Variants in CCDC152 observed in about 807,000 individuals in gnomAD.
CCDC152 encodes coiled-coil domain containing 152, also known as coiled-coil domain-containing protein 152.
Under a neutral mutation model 38.1 loss-of-function variants are expected in CCDC152, and 37 were observed. That is an observed-to-expected ratio of 0.97 (90% CI 0.75 to 1.28). CCDC152 has a LOEUF of 1.28. Among genes scored for constraint, CCDC152 ranks in the 50% most tolerant of loss-of-function variants. The probability of loss-of-function intolerance (pLI) is 0.00; values close to 1 mark genes in which losing one functional copy is unlikely to be tolerated. For missense variants in CCDC152, 259 were observed against 292.1 expected, an observed-to-expected ratio of 0.89 and a Z score of 0.83; for synonymous variants, 83 against 87.1, an observed-to-expected ratio of 0.95 and a Z score of 0.26.
chr5:42,787,929 G>C (rs1759944783), intron 6 of CCDC152, among the ~76,000 whole-genome samples: 1 of 152,092 alleles, frequency 6.6e-6, no homozygotes, highest in African/African-American at 2.4e-5. Context: ...ATTTTAAGTG[G>C]AACATTTAGG....
chr5:42,796,982 T>C (rs891433918), intron 7 of CCDC152, 26 bp downstream of exon 7: 1 of 1,447,452 alleles, frequency 6.9e-7, no homozygotes, highest in Non-Finnish European at 9.3e-7. Context: ...TCTGCTAAAC[T>C]TGAGGACACA....
At chr5:42,764,272 T>C (rs936351473) in intron 3 of CCDC152, among the ~76,000 whole-genome samples, 5 of 152,072 alleles carry the variant, frequency 3.3e-5, no homozygotes, top group African/African-American at 1.2e-4. Context: ...TAGCCGGGCA[T>C]GGTGGCAGGC....
At chr5:42,796,708 A>T in intron 6 of CCDC152, 121 bp from the exon 7 acceptor site, 2 of 682,040 alleles carry the variant, frequency 2.9e-6, no homozygotes, top group East Asian at 7.1e-5. Context: ...ACCATTTCTA[A>T]AATATGTTTC....
rs1034261402 is a variant in CCDC152, at chr5:42,790,048, G to A, written c.430+6472G>A. Among the ~76,000 whole-genome samples, 3 of 152,066 alleles carry A rather than the reference G, an allele frequency of 2.0e-5. No individual in the cohort carries two copies. The East Asian group carries it at 5.8e-4, about 29-fold the overall frequency. On this transcript the variant is annotated intron_variant, in intron 6 of 8. Transcript: ENST00000361970. Reference sequence around the variant, plus strand: ...AAATGAAAAGGCAATCCATAGACTTGGAAATGGATATTTGATAAAGGGTTT... The same window carrying A: ...AAATGAAAAGGCAATCCATAGACTTAGAAATGGATATTTGATAAAGGGTTT...
intron 3 of CCDC152, among the ~76,000 whole-genome samples, chr5:42,762,765 G>T (rs1216399518): frequency 6.6e-6 from 1 of 152,142 alleles, no homozygotes; most frequent in East Asian, 1.9e-4. Flanking sequence ...AATGAGACAA[G>T]TTAAATAATC....
rs79956654 is a variant in CCDC152 at position 42,762,029 on chromosome 5, G to T, written c.88-414G>T. Among the ~76,000 whole-genome samples, 921 of 152,214 alleles carry T rather than the reference G, an allele frequency of 6.1e-3. 5 individuals are homozygous for T. The highest frequency in any genetic ancestry group is 0.011 in the Admixed American group (167 of 15,296). ...TGTGAATGTTATAGAGTATATTTAC[G>T]CAAACCTAAATGGTGTAGCCTATTA... is the stretch of plus-strand genomic sequence containing the variant. On this transcript the variant is annotated intron_variant, in intron 2 of 8. Coordinates refer to ENST00000361970, the MANE Select transcript of CCDC152 (RefSeq NM_001134848.2).
rs974595765 is a variant in CCDC152, at chr5:42,800,005, T to G, written c.*224T>G. On this transcript the variant is annotated 3_prime_UTR_variant, in exon 9 of 9. Coordinates refer to ENST00000361970, the MANE Select transcript of CCDC152 (RefSeq NM_001134848.2). ...GGTTTATAGGGTTTGGTTTACCTAT[T>G]AAACCATCATTGACTATGGAAATAC... 1.0e-5 allele frequency: 5 copies of G among 480,790 alleles called. No homozygotes were observed. The highest frequency in any genetic ancestry group is 1.8e-5 in the Non-Finnish European group (5 of 276,002). 29.8% of individuals were successfully genotyped at this position (480,790 alleles called of 1,614,324 possible).
At chr5:42,794,117 T>C (rs1249897151) in intron 6 of CCDC152, among the ~76,000 whole-genome samples, 2 of 152,128 alleles carry the variant, frequency 1.3e-5, no homozygotes, top group Non-Finnish European at 2.9e-5. Flanking sequence ...AAATGGCATA[T>C]ACAGAAAAGA....
intron 6 of CCDC152, among the ~76,000 whole-genome samples, chr5:42,789,486 CT>C (rs1473373334): frequency 1.3e-5 from 2 of 152,222 alleles, no homozygotes; most frequent in Non-Finnish European, 2.9e-5. Context: ...GCATGAGCCA[CT>C]GCACCTAGCC....
chr5:42,758,009 T>C (rs1759503944), intron 1 of CCDC152, among the ~76,000 whole-genome samples: 1 of 152,212 alleles, frequency 6.6e-6, no homozygotes, highest in Non-Finnish European at 1.5e-5. Flanking sequence ...AATTTTACTG[T>C]ATCATGGGAG....
intron 6 of CCDC152, among the ~76,000 whole-genome samples, chr5:42,786,637 T>C (rs529273158): frequency 6.6e-6 from 1 of 152,204 alleles, no homozygotes; most frequent in South Asian, 2.1e-4. Flanking sequence ...TGTTTTCATC[T>C]CATTTTCACT....
intron 4 of CCDC152, among the ~76,000 whole-genome samples, chr5:42,770,517 C>T (rs1252206208): frequency 6.6e-6 from 1 of 151,240 alleles, no homozygotes; most frequent in Non-Finnish European, 1.5e-5. Flanking sequence ...TTTAACAGTG[C>T]TGTACTGTTC....
intron 2 of CCDC152, 93 bp from the exon 3 acceptor site, chr5:42,762,350 T>G (rs1759564043): frequency 3.1e-6 from 2 of 652,236 alleles, no homozygotes; most frequent in African/African-American, 1.8e-5. Context: ...AGATATTAAG[T>G]GGTTTGTATT....
intron 3 of CCDC152, among the ~76,000 whole-genome samples, chr5:42,762,898 A>G (rs1184659361): frequency 6.6e-6 from 1 of 152,240 alleles, no homozygotes; most frequent in African/African-American, 2.4e-5. Context: ...TTACATCAAA[A>G]TAAATGTCAA....
intron 4 of CCDC152, among the ~76,000 whole-genome samples, chr5:42,779,243 C>T (rs1231938327): frequency 6.6e-6 from 1 of 152,136 alleles, no homozygotes; most frequent in Non-Finnish European, 1.5e-5. Flanking sequence ...TAACTACTAA[C>T]ACATTTGACT....
rs564357309 is a variant in CCDC152 at position 42,800,758 on chromosome 5, T to G, written c.*977T>G. On this transcript the variant is annotated 3_prime_UTR_variant, in exon 9 of 9. Coordinates refer to ENST00000361970, the MANE Select transcript of CCDC152 (RefSeq NM_001134848.2). ...CATTCTCACTTTTTTGCCTGATTCT[T>G]TCAGCGTCAACTGGCACTGGCTTCT... The G allele has an allele frequency of 2.5e-6, 4 of 1,611,084 alleles. No individual in the cohort carries two copies. In the Admixed American group the frequency reaches 5.0e-5, roughly 20 times the overall value.
At chr5:42,793,839 C>A (rs1403771935) in intron 6 of CCDC152, among the ~76,000 whole-genome samples, 1 of 152,168 alleles carries the variant, frequency 6.6e-6, no homozygotes, top group Non-Finnish European at 1.5e-5. Flanking sequence ...GAACTCCTGA[C>A]CTCAGGTGAG....
intron 6 of CCDC152, among the ~76,000 whole-genome samples, chr5:42,785,500 G>A (rs1759906433): frequency 6.6e-6 from 1 of 151,816 alleles, no homozygotes; most frequent in Admixed American, 6.6e-5. Context: ...GAATCTTTAG[G>A]GTTTTCTAGG....
intron 6 of CCDC152, among the ~76,000 whole-genome samples, chr5:42,794,129 C>T (rs755187945): frequency 6.6e-6 from 1 of 152,086 alleles, no homozygotes; most frequent in Non-Finnish European, 1.5e-5. Context: ...CAGAAAAGAA[C>T]ATGTGAGATA....
Sources: gnomAD v4.1 joint callset for allele counts (sites outside exome capture counted in the v4.1 genomes callset) on GRCh38, gnomAD v4.1.1 for gene constraint, MANE v1.5 for transcripts, NCBI Gene and HGNC (gene_info 2026-07-23, HGNC 2026-07-21) for gene names.